PARD3B: variants seen among roughly 807,000 people sequenced by gnomAD.
PARD3B encodes the protein par-3 family cell polarity regulator beta.
In PARD3B, 103 loss-of-function variants were observed where a neutral mutation model predicts 130.2. The ratio of observed to expected loss-of-function variants is 0.79; its 90% confidence interval spans 0.67 to 0.93. PARD3B has a LOEUF of 0.93. Ranked by LOEUF, PARD3B falls within the 40% of genes least tolerant of loss-of-function variation. The pLI, the probability that PARD3B is intolerant of heterozygous loss-of-function variation, is 0.00. For synonymous variants in PARD3B, 583 were observed against 553.2 expected (o/e 1.05, Z -0.76); for missense variants, 1,609 against 1,499.2 (o/e 1.07, Z -1.21).
At chr2:204,772,775 A>G (rs2041444532) in intron 2 of PARD3B, among the ~76,000 whole-genome samples, 1 of 152,220 alleles carries the variant, frequency 6.6e-6, no homozygotes, top group South Asian at 2.1e-4. Flanking sequence ...CAACAAATGG[A>G]AAATGATTGT....
At chr2:205,489,500 T>TATATATACGTGTATATATACAC (rs1559141226) in intron 20 of PARD3B, among the ~76,000 whole-genome samples, 2 of 139,404 alleles carry the variant, frequency 1.4e-5, no homozygotes, top group African/African-American at 5.3e-5. Context: ...TATGTGTGTA[T>TATATATACGTGTATATATACAC]ATATATATAC....
Position 205,253,931 on chromosome 2 carries a change from G to C in PARD3B, c.2185+8109G>C, listed in dbSNP as rs1335313559. Among the ~76,000 whole-genome samples the C allele has an allele frequency of 2.6e-5, 4 of 151,992 alleles. No individual in the cohort carries two copies. The highest frequency in any genetic ancestry group is 5.9e-5 in the Non-Finnish European group (4 of 67,996). The stretch of plus-strand genomic sequence containing the variant: ...AAAACACCACAGAGGTGGTTTGAAA[G>C]AAGAGGTTGGGTTGAAAATGAACAG... On this transcript the variant is annotated intron_variant, in intron 16 of 22. Coordinates refer to ENST00000406610, the MANE Select transcript of PARD3B (RefSeq NM_001302769.2). The surrounding 1 kb of genome is among the most constrained non-coding windows in gnomAD (Gnocchi z 4.4).
chr2:204,560,616 A>G (rs77489801), intron 1 of PARD3B, among the ~76,000 whole-genome samples: 5,068 of 152,136 alleles, frequency 0.033, 114 homozygotes, highest in Non-Finnish European at 0.049. Flanking sequence ...TTGAAGGTAA[A>G]CATGTATGTT....
rs1378641926 is a variant in PARD3B at position 205,207,544 on chromosome 2, C to T, written c.2140+14224C>T. ...AAAATGATAAAGGGGATATCACCAC[C>T]GATCCCACAGAAATACAAACTACCA... On this transcript the variant is annotated intron_variant, in intron 15 of 22. Transcript: ENST00000406610. 9.2e-5 allele frequency among the ~76,000 whole-genome samples: 13 copies of T among 141,576 alleles called. 2 individuals carry two copies. The highest frequency in any genetic ancestry group is 2.2e-4 in the African/African-American group (8 of 36,034). The allele number at this position is 141,576 out of a possible 152,430, so 92.9% of individuals were successfully genotyped here.
chr2:204,896,535 G>A (rs912610784), intron 2 of PARD3B, among the ~76,000 whole-genome samples: 9 of 152,252 alleles, frequency 5.9e-5, no homozygotes, highest in Non-Finnish European at 7.4e-5. Flanking sequence ...CTACCATACT[G>A]TAGAGATTGA....
rs529035680 is a variant in PARD3B, at chr2:204,823,059, G to A, written c.222+136777G>A. ...CCAGCTTTCCCTCTGGAAATACAAG[G>A]TAGTCTTGTATTTACCTGTGTTCCT... On this transcript the variant is annotated intron_variant, in intron 2 of 22. Transcript: ENST00000406610. Among the ~76,000 whole-genome samples, 3 of 152,244 alleles carry A rather than the reference G, an allele frequency of 2.0e-5. No homozygotes were observed. In the South Asian group the frequency reaches 6.2e-4, roughly 32 times the overall value.
chr2:205,156,199 G>A (rs1488606647), intron 10 of PARD3B, among the ~76,000 whole-genome samples: 2 of 141,592 alleles, frequency 1.4e-5, no homozygotes, highest in African/African-American at 2.6e-5. Flanking sequence ...ACTCATAGGT[G>A]GGAATTGAAC....
At chr2:205,498,820 T>G (rs1426615979) in intron 20 of PARD3B, among the ~76,000 whole-genome samples, 1 of 152,172 alleles carries the variant, frequency 6.6e-6, no homozygotes, top group Non-Finnish European at 1.5e-5. Flanking sequence ...CTTCTGTGAT[T>G]TTCTTCAATG....
At chr2:204,646,457 G>A (rs1460806721) in intron 1 of PARD3B, among the ~76,000 whole-genome samples, 4 of 152,038 alleles carry the variant, frequency 2.6e-5, no homozygotes, top group Non-Finnish European at 4.4e-5. Context: ...ATTGCGTGAA[G>A]CTGTAGGTTG....
chr2:205,353,036 A>C (rs919371846), intron 18 of PARD3B, among the ~76,000 whole-genome samples: 1 of 152,204 alleles, frequency 6.6e-6, no homozygotes, highest in African/African-American at 2.4e-5. Flanking sequence ...AAACAATCTA[A>C]TAAGGATTTG....
intron 2 of PARD3B, among the ~76,000 whole-genome samples, chr2:204,724,512 A>G (rs1445465079): frequency 1.3e-5 from 2 of 152,040 alleles, no homozygotes; most frequent in Admixed American, 6.6e-5. Context: ...ATTCAGTATA[A>G]ATTTGCTTTT....
intron 1 of PARD3B, among the ~76,000 whole-genome samples, chr2:204,650,402 C>T (rs568779433): frequency 1.1e-4 from 17 of 152,226 alleles, no homozygotes; most frequent in African/African-American, 3.6e-4. Context: ...ACTGGGTGTA[C>T]ACCTAAAGGA....
chr2:204,813,001 A>G (rs2043015137), intron 2 of PARD3B, among the ~76,000 whole-genome samples: 1 of 152,168 alleles, frequency 6.6e-6, no homozygotes, highest in African/African-American at 2.4e-5. Context: ...TTTGATTATT[A>G]CATAATTAAG....
chr2:205,029,166 A>G (rs1377081704), intron 3 of PARD3B, among the ~76,000 whole-genome samples: 2 of 152,170 alleles, frequency 1.3e-5, no homozygotes, highest in Non-Finnish European at 2.9e-5. Flanking sequence ...AGCTTTAAAA[A>G]TGTTCACAAA....
intron 20 of PARD3B, among the ~76,000 whole-genome samples, chr2:205,443,916 A>G (rs2047813424): frequency 6.6e-6 from 1 of 152,162 alleles, no homozygotes; most frequent in African/African-American, 2.4e-5. Flanking sequence ...GTAAGGGGGA[A>G]TCACTTGAGG....
Position 205,301,920 on chromosome 2 carries a change from A to C in PARD3B, c.2630+219A>C, listed in dbSNP as rs1242672171. On this transcript the variant is annotated intron_variant, in intron 18 of 22. Transcript: ENST00000406610. The surrounding 1 kb of genome is among the most constrained non-coding windows in gnomAD (Gnocchi z 5.2). ...GACACTGTCTTAAGTTTGTTGTCAA[A>C]GAAAGGTCAACACTATGCCAGGCAC... 1.3e-6 allele frequency: 1 copy of C among 758,038 alleles called. No homozygotes were observed. The highest frequency in any genetic ancestry group is 2.3e-6 in the Non-Finnish European group (1 of 429,822). 47.0% of individuals were successfully genotyped at this position (758,038 alleles called of 1,614,324 possible). A position where few individuals can be genotyped will look rare whatever the true frequency, so the allele number is the denominator to read the frequency against.
In PARD3B at chr2:205,269,419, T is replaced by G. The variant is rs1384827994; in HGVS notation, c.2185+23597T>G. Among the ~76,000 whole-genome samples, 1 of 152,160 alleles carries G rather than the reference T, an allele frequency of 6.6e-6. No individual in the cohort carries two copies. Among genetic ancestry groups the G allele is most frequent in the African/African-American group, 2.4e-5 (1 of 41,438 alleles). ...TTCATGATAAAGGAAACAAGGAGGCTTTTTCAGGTAATGTCTTAGGAGTAA... is the reference window on the plus strand; with the variant it reads ...TTCATGATAAAGGAAACAAGGAGGCGTTTTCAGGTAATGTCTTAGGAGTAA... On this transcript the variant is annotated intron_variant, in intron 16 of 22. Coordinates refer to ENST00000406610, the MANE Select transcript of PARD3B (RefSeq NM_001302769.2). The surrounding 1 kb of genome is among the most constrained non-coding windows in gnomAD (Gnocchi z 4.7).
intron 16 of PARD3B, among the ~76,000 whole-genome samples, chr2:205,248,261 A>C (rs1171502818): frequency 6.6e-6 from 1 of 151,848 alleles, no homozygotes; most frequent in Non-Finnish European, 1.5e-5. Flanking sequence ...AATTTTTTAC[A>C]TTTCTTTCTT....
At chr2:204,695,334 C>A (rs2037561119) in intron 2 of PARD3B, among the ~76,000 whole-genome samples, 1 of 151,770 alleles carries the variant, frequency 6.6e-6, no homozygotes, top group African/African-American at 2.4e-5. Context: ...TAAAATTATA[C>A]CAAATGGAAG....
Sources: gnomAD v4.1 joint callset for allele counts (sites outside exome capture counted in the v4.1 genomes callset) on GRCh38, gnomAD v4.1.1 for gene constraint, Gnocchi (gnomAD v3.1) non-coding constraint, MANE v1.5 for transcripts, NCBI Gene and HGNC (gene_info 2026-07-23, HGNC 2026-07-21) for gene names.